Variants in RGS8 observed in about 807,000 individuals in gnomAD.
RGS8 encodes regulator of G protein signaling 8, also known as regulator of G-protein signaling 8.
Under a neutral mutation model 21.7 loss-of-function variants are expected in RGS8, and 8 were observed. The observed-to-expected ratio is 0.37, with a 90% CI of 0.22 to 0.66. RGS8 has a LOEUF of 0.66. RGS8 is among the 30% of genes least tolerant of loss of function. RGS8 has a pLI of 0.59. For synonymous variants in RGS8, 80 were observed against 83.6 expected (o/e 0.96, Z 0.24); for missense variants, 157 against 217.9 (o/e 0.72, Z 1.76).
chr1:182,682,939 G>A (rs549986127), intron 1 of RGS8, among the ~76,000 whole-genome samples: 18 of 152,302 alleles, frequency 1.2e-4, no homozygotes, highest in Admixed American at 9.8e-4. Context: ...ACTGACCCAC[G>A]GGAGAAAGAC....
intron 1 of RGS8, among the ~76,000 whole-genome samples, chr1:182,681,883 C>A (rs115348260): frequency 6.6e-6 from 1 of 152,208 alleles, no homozygotes; most frequent in Non-Finnish European, 1.5e-5. Flanking sequence ...CCTTCTAGAA[C>A]CTTTTACTGC....
chr1:182,724,116 T>A, the RGS8 span, among the ~76,000 whole-genome samples: 1 of 148,724 alleles, frequency 6.7e-6, no homozygotes, highest in Admixed American at 6.8e-5. Context: ...CCACCCTCAA[T>A]CTGGGTGGGC....
chr1:182,710,652 GAAAATCAGGAGTTGATT>G, the RGS8 span, among the ~76,000 whole-genome samples: 1 of 152,084 alleles, frequency 6.6e-6, no homozygotes, highest in African/African-American at 2.4e-5. Flanking sequence ...GCTCCAAAAG[GAAAATCAGGAGTTGATT>G]TTCCGCTTTA....
At chr1:182,702,118 G>C in the RGS8 span, among the ~76,000 whole-genome samples, 2 of 152,158 alleles carry the variant, frequency 1.3e-5, no homozygotes, top group African/African-American at 4.8e-5. Context: ...CTGCTAAAAA[G>C]GCATTGTGCT....
chr1:182,693,650 G>A, the RGS8 span, among the ~76,000 whole-genome samples: 1 of 152,142 alleles, frequency 6.6e-6, no homozygotes. Context: ...AAATCATTCT[G>A]CCATAAAGAC....
At chr1:182,700,833 G>A in the RGS8 span, among the ~76,000 whole-genome samples, 1 of 152,116 alleles carries the variant, frequency 6.6e-6, no homozygotes, top group African/African-American at 2.4e-5. Flanking sequence ...TAGTCCAGTG[G>A]ACTACTTACA....
At chr1:182,646,740 T>G in exon 7 of RGS8, 4 of 1,611,732 alleles carry the variant, frequency 2.5e-6, no homozygotes, top group Non-Finnish European at 3.4e-6. Context: ...GAGGTCTAAC[T>G]GAGCCTCCTC....
upstream of RGS8, among the ~76,000 whole-genome samples, chr1:182,673,370 T>C (rs1253394590): frequency 6.6e-6 from 1 of 152,212 alleles, no homozygotes; most frequent in Non-Finnish European, 1.5e-5. Flanking sequence ...GATGTACCTT[T>C]ATCAAAGCAA....
At chr1:182,651,370 C>A (rs1203309673) in intron 5 of RGS8, among the ~76,000 whole-genome samples, 1 of 152,190 alleles carries the variant, frequency 6.6e-6, no homozygotes, top group Non-Finnish European at 1.5e-5. Flanking sequence ...GCTCAGAACA[C>A]TTTTGGTACA....
chr1:182,697,760 G>A, the RGS8 span, among the ~76,000 whole-genome samples: 3 of 151,910 alleles, frequency 2.0e-5, no homozygotes, highest in African/African-American at 2.4e-5. Context: ...TGGTAAGGTC[G>A]GTGACTATCC....
At chr1:182,730,431 C>G in the RGS8 span, among the ~76,000 whole-genome samples, 6 of 152,178 alleles carry the variant, frequency 3.9e-5, no homozygotes, top group East Asian at 1.2e-3. Context: ...AAAATTTGGC[C>G]GGGGTCAGTG....
At chr1:182,650,711 AT>A (rs1325150761) in intron 5 of RGS8, among the ~76,000 whole-genome samples, 1 of 152,222 alleles carries the variant, frequency 6.6e-6, no homozygotes, top group Non-Finnish European at 1.5e-5. Context: ...AAATACAAAA[AT>A]TAGCCAGCTG....
At chr1:182,741,610 C>A in the RGS8 span, among the ~76,000 whole-genome samples, 1 of 122,120 alleles carries the variant, frequency 8.2e-6, no homozygotes, top group East Asian at 2.6e-4. Context: ...GACGGGGCGG[C>A]TGGCTGGGCG....
chr1:182,663,254 A>C (rs1663690080), intron 5 of RGS8, among the ~76,000 whole-genome samples: 1 of 152,226 alleles, frequency 6.6e-6, no homozygotes, highest in African/African-American at 2.4e-5. Flanking sequence ...TTAGACTTTC[A>C]GAAAGTTGTC....
chr1:182,652,952 C>CT (rs2102413427), intron 5 of RGS8, among the ~76,000 whole-genome samples: 1 of 152,256 alleles, frequency 6.6e-6, no homozygotes, highest in South Asian at 2.1e-4. Context: ...AGAAAGTTTA[C>CT]TTGAGTAATT....
chr1:182,752,321 A>T, the RGS8 span, among the ~76,000 whole-genome samples: 1 of 152,152 alleles, frequency 6.6e-6, no homozygotes, highest in Non-Finnish European at 1.5e-5. Context: ...GTAATTCAAG[A>T]CCCGGCCACA....
At chr1:182,677,162 G>A (rs1206192216), upstream of RGS8, among the ~76,000 whole-genome samples, 6 of 152,282 alleles carry the variant, frequency 3.9e-5, no homozygotes, top group South Asian at 4.1e-4. Flanking sequence ...CCCCAACTCC[G>A]TAATTTTCCA....
the RGS8 span, among the ~76,000 whole-genome samples, chr1:182,730,413 C>CA: frequency 6.5e-4 from 95 of 146,686 alleles, no homozygotes; most frequent in African/African-American, 2.0e-3. Context: ...GGGTTTAAAA[C>CA]AAAAAAAAAA....
chr1:182,751,591 TC>T, the RGS8 span, among the ~76,000 whole-genome samples: 1 of 151,706 alleles, frequency 6.6e-6, no homozygotes, highest in African/African-American at 2.4e-5. Flanking sequence ...CTGAGTCACA[TC>T]CTACCACATA....
Sources: gnomAD v4.1 joint callset for allele counts (sites outside exome capture counted in the v4.1 genomes callset) on GRCh38, gnomAD v4.1.1 for gene constraint, MANE v1.5 for transcripts, NCBI Gene and HGNC (gene_info 2026-07-23, HGNC 2026-07-21) for gene names.